The following COL13A1 variants were observed in gnomAD, a reference collection of about 807,000 sequenced individuals.
The protein encoded by COL13A1 is collagen alpha-1(XIII) chain.
Under a neutral mutation model 130.9 loss-of-function variants are expected in COL13A1, and 89 were observed. The ratio of observed to expected loss-of-function variants is 0.68; its 90% CI spans 0.57 to 0.81. The LOEUF is 0.81. Ranked by LOEUF, COL13A1 falls within the 30% of genes least tolerant of loss-of-function variation. COL13A1 has a pLI of 0.00. For synonymous variants in COL13A1, 402 were observed against 341.6 expected, an observed-to-expected ratio of 1.18 and a Z score of -1.95; for missense variants, 879 against 934.6, an observed-to-expected ratio of 0.94 and a Z score of 0.78.
chr10:69,832,212 T>G (rs549629591), intron 2 of COL13A1, among the ~76,000 whole-genome samples: 1 of 152,170 alleles, frequency 6.6e-6, no homozygotes, highest in Admixed American at 6.5e-5. Context: ...TCCAATGCTA[T>G]GAAAAATGCT....
At chr10:69,953,093 T>C (rs2069916684) in intron 39 of COL13A1, 125 bp downstream of exon 39, 1 of 625,962 alleles carries the variant, frequency 1.6e-6, no homozygotes, top group Non-Finnish European at 2.5e-6. Context: ...CCAAAATCTC[T>C]CTGTTCATTT....
intron 2 of COL13A1, among the ~76,000 whole-genome samples, chr10:69,853,461 T>C (rs1464133295): frequency 6.6e-6 from 1 of 152,206 alleles, no homozygotes; most frequent in Non-Finnish European, 1.5e-5. Context: ...ACGATTGCCA[T>C]AGGATCTAGG....
Position 69,875,126 on chromosome 10 carries a change from A to G in COL13A1, c.400-2A>G. The stretch of plus-strand genomic sequence containing the variant: ...GACTGTTTCTGCCTCCTTCATCATC[A>G]GGGGGACAAAGGTGCCATTGGGATG... On this transcript the variant is annotated splice_acceptor_variant, in intron 4 of 40. Coordinates refer to ENST00000645393, the MANE Select transcript of COL13A1 (RefSeq NM_001368882.1). LOFTEE classifies it high-confidence loss of function. 1 of 1,613,924 alleles carries G rather than the reference A, an allele frequency of 6.2e-7. No individual in the cohort carries two copies. Among genetic ancestry groups the G allele is most frequent in the East Asian group, 2.2e-5 (1 of 44,888 alleles).
chr10:69,948,867 G>A (rs1303049592), intron 38 of COL13A1, among the ~76,000 whole-genome samples: 4 of 152,158 alleles, frequency 2.6e-5, no homozygotes, highest in African/African-American at 9.7e-5. Context: ...AGCAACTGAG[G>A]TTATTGAGTC....
chr10:69,922,710 A>T lies in COL13A1; in HGVS notation c.1146A>T (p.Gly382=), dbSNP rs1210092680. The change falls in exon 23 of 41, where the codon GGA becomes GGT. Residue 382 remains glycine, a splice_region_variant and synonymous_variant. Coordinates refer to ENST00000645393, the MANE Select transcript of COL13A1 (RefSeq NM_001368882.1). ...PGLPGLLGQK[G]EKGDAGNSIG... ...CTAACTCCACCTTCCACCCCCAGGG[A>T]GAGAAAGGCGATGCTGGCAACTCCA... 6.2e-7 allele frequency: 1 copy of T among 1,603,992 alleles called. No homozygotes were observed. Among genetic ancestry groups the T allele is most frequent in the Non-Finnish European group, 8.5e-7 (1 of 1,175,738 alleles).
intron 5 of COL13A1, 43 bp downstream of exon 5, chr10:69,875,206 C>T (rs1280160991): frequency 6.2e-7 from 1 of 1,612,320 alleles, no homozygotes; most frequent in Non-Finnish European, 8.5e-7. Flanking sequence ...CCATTGCTTG[C>T]TTCTCCGTGC....
chr10:69,808,701 C>T (rs1842210730), intron 1 of COL13A1, among the ~76,000 whole-genome samples: 1 of 152,238 alleles, frequency 6.6e-6, no homozygotes, highest in Non-Finnish European at 1.5e-5. Flanking sequence ...GCGATAGAGG[C>T]ATGCTGTCTT....
Position 69,802,594 on chromosome 10 carries a change from C to G in COL13A1, c.171C>G (p.Leu57=). ...LLTLALCSLA[L]SLLAHFRTAE... ...CGCTGGCCCTCTGCTCGCTGGCACTCAGCCTGCTCGCCCACTTTCGGACGG... is the reference window on the plus strand; with the variant it reads ...CGCTGGCCCTCTGCTCGCTGGCACTGAGCCTGCTCGCCCACTTTCGGACGG... The change falls in exon 1 of 41, where the codon CTC becomes CTG. Residue 57 remains leucine (L), a synonymous_variant. Coordinates refer to ENST00000645393, the MANE Select transcript of COL13A1 (RefSeq NM_001368882.1). 1.2e-6 allele frequency: 2 copies of G among 1,612,652 alleles called. No homozygotes were observed. The highest frequency in any genetic ancestry group is 1.7e-6 in the Non-Finnish European group (2 of 1,179,408).
At chr10:69,922,532 C>T (rs1369385750) in intron 22 of COL13A1, among the ~76,000 whole-genome samples, 176 bp from the exon 23 acceptor site, 1 of 152,222 alleles carries the variant, frequency 6.6e-6, no homozygotes, top group Non-Finnish European at 1.5e-5. Context: ...ACCTGCTGCC[C>T]TTCAGTAAAC....
chr10:69,817,432 C>T lies in COL13A1; in HGVS notation c.295-4937C>T, dbSNP rs1391158217. Among the ~76,000 whole-genome samples, 7 of 151,068 alleles carry T rather than the reference C, an allele frequency of 4.6e-5. No homozygotes were observed. In the East Asian group the frequency reaches 5.9e-4, roughly 13 times the overall value. ...TTGACAATGAAGTTGGGGGAGGGGA[C>T]GTTGGTGGTTTGGGGAGAGGAAGTG... On this transcript the variant is annotated intron_variant, in intron 1 of 40. Transcript: ENST00000645393.
rs546170825 is a variant in COL13A1, at chr10:69,935,897, G to A, written c.1770+506G>A. Among the ~76,000 whole-genome samples, 8 of 150,744 alleles carry A rather than the reference G, an allele frequency of 5.3e-5. No individual in the cohort carries two copies. In the South Asian group the frequency reaches 1.5e-3, roughly 28 times the overall value. On this transcript the variant is annotated intron_variant, in intron 32 of 40. Coordinates refer to ENST00000645393, the MANE Select transcript of COL13A1 (RefSeq NM_001368882.1). ...GTGGTGGCACACATCTGTAATCCCA[G>A]CTACTCAAGAGGCTAAGGTGGGAGA...
intron 2 of COL13A1, among the ~76,000 whole-genome samples, chr10:69,844,609 T>C (rs1381108716): frequency 6.6e-6 from 1 of 152,182 alleles, no homozygotes; most frequent in Non-Finnish European, 1.5e-5. Context: ...AAGCACAAAG[T>C]GACCCTAGAG....
At chr10:69,892,102 T>C (rs1011135951) in intron 10 of COL13A1, among the ~76,000 whole-genome samples, 17 of 152,000 alleles carry the variant, frequency 1.1e-4, no homozygotes, top group Non-Finnish European at 2.9e-5. Flanking sequence ...CCACCCCCTC[T>C]CTCGTGAGCC....
chr10:69,899,760 C>T (rs1288927103), intron 14 of COL13A1, among the ~76,000 whole-genome samples: 2 of 152,204 alleles, frequency 1.3e-5, no homozygotes, highest in African/African-American at 2.4e-5. Flanking sequence ...CTGGCTGGCC[C>T]ATGGCTGCCC....
intron 38 of COL13A1, among the ~76,000 whole-genome samples, chr10:69,950,004 G>GTGTGTGTGTGCATGTGTT (rs768967197): frequency 6.6e-6 from 1 of 151,318 alleles, no homozygotes; most frequent in Non-Finnish European, 1.5e-5. Context: ...GTGTGCGTGT[G>GTGTGTGTGTGCATGTGTT]TGTGTACGTC....
intron 7 of COL13A1, among the ~76,000 whole-genome samples, chr10:69,880,855 G>A (rs942372020): frequency 2.0e-5 from 3 of 152,234 alleles, no homozygotes; most frequent in Non-Finnish European, 2.9e-5. Flanking sequence ...GGGAGAAAGG[G>A]CTCGCTCTCC....
intron 1 of COL13A1, among the ~76,000 whole-genome samples, chr10:69,806,101 C>T (rs1841486517): frequency 1.3e-5 from 2 of 152,254 alleles, no homozygotes; most frequent in South Asian, 4.1e-4. Flanking sequence ...GGAGACTTCA[C>T]TAAAAGGTGC....
chr10:69,888,173 C>T (rs552488892), intron 8 of COL13A1, 131 bp from the exon 9 acceptor site: 184 of 953,400 alleles, frequency 1.9e-4, no homozygotes, highest in South Asian at 1.6e-3. Context: ...TTAACAAGTA[C>T]GTGGTCAAGC....
chr10:69,915,864 A>G (rs2063863954), intron 17 of COL13A1, among the ~76,000 whole-genome samples: 1 of 152,196 alleles, frequency 6.6e-6, no homozygotes, highest in Non-Finnish European at 1.5e-5. Context: ...GGACACAGAA[A>G]CTAGCAGGAC....
Sources: allele counts gnomAD v4.1 joint callset (sites outside exome capture counted in the v4.1 genomes callset), GRCh38; gene constraint gnomAD v4.1.1; transcripts MANE v1.5; gene names NCBI Gene and HGNC (gene_info 2026-07-23, HGNC 2026-07-21).